Variants in TAFA1 observed in about 807,000 individuals in gnomAD.
The protein encoded by TAFA1 is TAFA chemokine like family member 1, also known as chemokine-like protein TAFA-1.
TAFA1 carries 4 observed loss-of-function variants against 18.5 expected under a neutral mutation model. That is an observed-to-expected ratio of 0.22 (90% CI 0.11 to 0.49). TAFA1 has a LOEUF of 0.49. Ranked by LOEUF, TAFA1 falls within the 20% of genes least tolerant of loss-of-function variation. The pLI, the probability that TAFA1 is intolerant of heterozygous loss-of-function variation, is 0.98. For missense variants in TAFA1, 147 were observed against 169.0 expected (o/e 0.87, Z 0.72); for synonymous variants, 56 against 55.2 (o/e 1.01, Z -0.06).
At chr3:68,250,250 C>A (rs953262873) in intron 2 of TAFA1, among the ~76,000 whole-genome samples, 3 of 152,116 alleles carry the variant, frequency 2.0e-5, no homozygotes, top group African/African-American at 7.2e-5. Flanking sequence ...TAATAGTATA[C>A]CCTGCAGAGG....
At chr3:68,260,475 C>T (rs940053871) in intron 2 of TAFA1, among the ~76,000 whole-genome samples, 19 of 152,120 alleles carry the variant, frequency 1.2e-4, no homozygotes, top group African/African-American at 4.6e-4. Flanking sequence ...GGAGGATTCC[C>T]TCTTTTTCTA....
chr3:68,125,591 G>T (rs968700277), intron 2 of TAFA1, among the ~76,000 whole-genome samples: 5 of 152,132 alleles, frequency 3.3e-5, no homozygotes, highest in Non-Finnish European at 4.4e-5. Flanking sequence ...GCTCACGTAT[G>T]AAATCCTAGC....
chr3:68,414,878 T>C (rs1263381393), intron 2 of TAFA1, among the ~76,000 whole-genome samples: 1 of 152,224 alleles, frequency 6.6e-6, no homozygotes, highest in Non-Finnish European at 1.5e-5. Context: ...TTTTCAATCA[T>C]AAATATTGCT....
intron 2 of TAFA1, among the ~76,000 whole-genome samples, chr3:68,221,681 T>C (rs2066732757): frequency 6.6e-6 from 1 of 152,188 alleles, no homozygotes; most frequent in African/African-American, 2.4e-5. Context: ...TTGAAAATCA[T>C]TTCAAACAAG....
chr3:68,358,041 A>C (rs1417007592), intron 2 of TAFA1, among the ~76,000 whole-genome samples: 1 of 151,984 alleles, frequency 6.6e-6, no homozygotes, highest in Non-Finnish European at 1.5e-5. Flanking sequence ...GATTATCAGC[A>C]GATTGTTTTG....
At chr3:68,009,830 C>T (rs1238592216) in intron 2 of TAFA1, among the ~76,000 whole-genome samples, 1 of 152,106 alleles carries the variant, frequency 6.6e-6, no homozygotes, top group East Asian at 1.9e-4. Context: ...GGTCTTAAAT[C>T]TCCAGGGACA....
chr3:68,320,267 T>G (rs756588355), intron 2 of TAFA1, among the ~76,000 whole-genome samples: 10 of 152,198 alleles, frequency 6.6e-5, no homozygotes, highest in Middle Eastern at 3.2e-3. Context: ...CTGGCTTCCT[T>G]GTATCTTCCC....
chr3:68,492,868 T>C (rs955208037), intron 3 of TAFA1, among the ~76,000 whole-genome samples: 10 of 152,130 alleles, frequency 6.6e-5, no homozygotes, highest in Non-Finnish European at 1.2e-4. Context: ...CCTACATTAG[T>C]CTGATTAGAA....
intron 2 of TAFA1, among the ~76,000 whole-genome samples, chr3:68,409,380 T>C (rs1038253542): frequency 3.9e-5 from 6 of 152,228 alleles, no homozygotes; most frequent in African/African-American, 7.2e-5. Flanking sequence ...AGGGACCTAG[T>C]TGGAGGTGAT....
chr3:68,291,922 G>T (rs191338112), intron 2 of TAFA1, among the ~76,000 whole-genome samples: 2 of 152,014 alleles, frequency 1.3e-5, no homozygotes, highest in Admixed American at 1.3e-4. Flanking sequence ...ACAGTATAAG[G>T]CATCTGATAT....
chr3:68,157,781 G>A (rs2065881574), intron 2 of TAFA1, among the ~76,000 whole-genome samples: 1 of 151,834 alleles, frequency 6.6e-6, no homozygotes, highest in African/African-American at 2.4e-5. Flanking sequence ...CAGAACTGTT[G>A]TTAGCATTAT....
intron 2 of TAFA1, among the ~76,000 whole-genome samples, chr3:68,131,617 T>C (rs1202947482): frequency 6.6e-6 from 1 of 152,222 alleles, no homozygotes. Flanking sequence ...AGCCCAGACC[T>C]TAGCTACTGA....
intron 2 of TAFA1, among the ~76,000 whole-genome samples, chr3:68,274,253 G>C (rs187758542): frequency 3.3e-5 from 5 of 152,252 alleles, no homozygotes; most frequent in Non-Finnish European, 2.9e-5. Context: ...TGTTTAGGAT[G>C]ATGGTTTTCA....
chr3:68,406,299 A>G (rs182646492), intron 2 of TAFA1, among the ~76,000 whole-genome samples: 2 of 152,278 alleles, frequency 1.3e-5, no homozygotes, highest in East Asian at 3.9e-4. Flanking sequence ...GCACTGGTGA[A>G]GGAAAGCCTA....
chr3:68,262,424 T>G (rs1040532178), intron 2 of TAFA1, among the ~76,000 whole-genome samples: 1 of 146,704 alleles, frequency 6.8e-6, no homozygotes, highest in African/African-American at 2.5e-5. Context: ...TTTCAACCCA[T>G]GCCTCCTTCT....
intron 2 of TAFA1, among the ~76,000 whole-genome samples, chr3:68,305,864 C>T (rs979452093): frequency 6.6e-6 from 1 of 152,182 alleles, no homozygotes; most frequent in Non-Finnish European, 1.5e-5. Context: ...TGACTCCACA[C>T]CTCATTTTCT....
intron 1 of TAFA1, 120 bp from the exon 2 acceptor site, chr3:68,006,504 C>G (rs1704360468): frequency 7.0e-6 from 5 of 709,814 alleles, no homozygotes; most frequent in South Asian, 3.2e-5. Context: ...ATCATTAGTT[C>G]TAGCCAGAGA....
At chr3:68,430,373 C>T (rs978646973) in intron 3 of TAFA1, among the ~76,000 whole-genome samples, 6 of 151,908 alleles carry the variant, frequency 3.9e-5, no homozygotes, top group Non-Finnish European at 8.8e-5. Flanking sequence ...AATGAAATTG[C>T]ATGAGACAGA....
intron 2 of TAFA1, among the ~76,000 whole-genome samples, chr3:68,374,264 C>T (rs765370973): frequency 5.4e-4 from 82 of 152,130 alleles, no homozygotes; most frequent in African/African-American, 1.9e-3. Flanking sequence ...GGCCAATCCA[C>T]TGAGGTTTGG....
Sources: allele counts gnomAD v4.1 joint callset (sites outside exome capture counted in the v4.1 genomes callset), GRCh38; gene constraint gnomAD v4.1.1; transcripts MANE v1.5; gene names NCBI Gene and HGNC (gene_info 2026-07-23, HGNC 2026-07-21).